The following CDH8 variants were observed in gnomAD, a reference collection of about 807,000 sequenced individuals.
CDH8 encodes cadherin-8.
A neutral mutation model predicts 68.1 loss-of-function variants in CDH8; 17 were observed. The observed-to-expected ratio is 0.25, with a 90% CI of 0.17 to 0.37. CDH8 has a LOEUF of 0.37. Among genes scored for constraint, CDH8 ranks in the 10% least tolerant of loss-of-function variants. The pLI is 1.00. For synonymous variants in CDH8, 372 were observed against 365.1 expected, an observed-to-expected ratio of 1.02 and a Z score of -0.21; for missense variants, 763 against 999.3, an observed-to-expected ratio of 0.76 and a Z score of 3.19.
At chr16:61,784,929 T>C (rs1264968515) in intron 8 of CDH8, among the ~76,000 whole-genome samples, 6 of 151,938 alleles carry the variant, frequency 3.9e-5, no homozygotes, top group Non-Finnish European at 8.8e-5. Flanking sequence ...CTGGGACGCA[T>C]TCAAAGCAGT....
intron 10 of CDH8, among the ~76,000 whole-genome samples, chr16:61,695,066 AC>A (rs371170158): frequency 7.3e-4 from 110 of 150,318 alleles, no homozygotes; most frequent in African/African-American, 2.6e-3. Flanking sequence ...GGCATGAGCC[AC>A]CATGCCCGGC....
intron 4 of CDH8, among the ~76,000 whole-genome samples, chr16:61,841,648 C>T (rs929721436): frequency 2.6e-5 from 4 of 152,012 alleles, no homozygotes; most frequent in African/African-American, 7.2e-5. Context: ...CTTAATTGTA[C>T]ATTTTAAAAT....
intron 10 of CDH8, among the ~76,000 whole-genome samples, chr16:61,663,742 T>A (rs1415541156): frequency 6.6e-6 from 1 of 152,028 alleles, no homozygotes; most frequent in African/African-American, 2.4e-5. Flanking sequence ...TAACTACCTA[T>A]CTATCCATCT....
chr16:61,749,487 A>T (rs1171811138), intron 8 of CDH8, among the ~76,000 whole-genome samples: 2 of 152,094 alleles, frequency 1.3e-5, no homozygotes, highest in East Asian at 3.9e-4. Context: ...CCCAGTTAAC[A>T]TTAATAGAAG....
At position 61,960,228 on chromosome 16, in the gene CDH8, C is replaced by T. The variant is rs201290130; in HGVS notation, c.253-58755G>A. Among the ~76,000 whole-genome samples the T allele has an allele frequency of 7.0e-5, 3 of 42,694 alleles. 1 individual carries two copies. Among genetic ancestry groups the T allele is most frequent in the South Asian group, 6.9e-4 (1 of 1,458 alleles). 28.0% of individuals were successfully genotyped at this position (42,694 alleles called of 152,430 possible). ...ATATATACATGTGTGTGTGTATACA[C>T]ACATATATACATGTGTGTGTGTATA... is the stretch of plus-strand genomic sequence containing the variant. On this transcript the variant is annotated intron_variant, in intron 2 of 11. Transcript: ENST00000577390.
intron 10 of CDH8, among the ~76,000 whole-genome samples, chr16:61,702,621 T>G (rs2142851677): frequency 6.6e-6 from 1 of 152,332 alleles, no homozygotes; most frequent in African/African-American, 2.4e-5. Flanking sequence ...GTTACTCAGT[T>G]TTACAACAAC....
At chr16:61,690,089 A>T (rs1403817390) in intron 10 of CDH8, among the ~76,000 whole-genome samples, 1 of 152,090 alleles carries the variant, frequency 6.6e-6, no homozygotes, top group Non-Finnish European at 1.5e-5. Context: ...TGTTGAACAT[A>T]TGTTGAATAG....
chr16:61,663,044 G>A (rs1160098008), intron 10 of CDH8, among the ~76,000 whole-genome samples: 1 of 151,920 alleles, frequency 6.6e-6, no homozygotes, highest in Non-Finnish European at 1.5e-5. Context: ...ATCTTCATGG[G>A]GACTTAAAGT....
chr16:61,901,503 T>C (rs997816152), intron 2 of CDH8, 30 bp from the exon 3 acceptor site: 2 of 1,536,846 alleles, frequency 1.3e-6, no homozygotes, highest in Non-Finnish European at 1.8e-6. Flanking sequence ...TAGTTAGTGA[T>C]GGAGCAATCT....
chr16:61,655,873 CT>C (rs35413525), intron 10 of CDH8, 152 bp from the exon 11 acceptor site: 43,869 of 516,500 alleles, frequency 0.085, 7 homozygotes, highest in East Asian at 0.12. Flanking sequence ...CGTCTCCGCA[CT>C]TTTTTTTTTT....
chr16:62,016,591 T>A (rs1362787234), intron 2 of CDH8, among the ~76,000 whole-genome samples: 1 of 152,220 alleles, frequency 6.6e-6, no homozygotes, highest in Non-Finnish European at 1.5e-5. Context: ...AAGTGTCCCA[T>A]GAGCCACTTT....
chr16:61,788,856 A>C (rs1433529721), intron 8 of CDH8, among the ~76,000 whole-genome samples: 1 of 152,048 alleles, frequency 6.6e-6, no homozygotes, highest in Non-Finnish European at 1.5e-5. Flanking sequence ...AGACTCTAAA[A>C]AAAACAAAAA....
intron 2 of CDH8, among the ~76,000 whole-genome samples, chr16:62,015,559 G>T (rs1162045717): frequency 1.3e-5 from 2 of 152,152 alleles, no homozygotes; most frequent in African/African-American, 4.8e-5. Flanking sequence ...AAAGAAGCCA[G>T]ATCTCCAAGA....
At chr16:61,932,185 G>T (rs936919772) in intron 2 of CDH8, among the ~76,000 whole-genome samples, 6 of 141,392 alleles carry the variant, frequency 4.2e-5, no homozygotes, top group African/African-American at 1.6e-4. Flanking sequence ...CCAGGCCTGG[G>T]CCACAGAGCA....
At chr16:61,683,038 T>C (rs1245714651) in intron 10 of CDH8, among the ~76,000 whole-genome samples, 1 of 152,012 alleles carries the variant, frequency 6.6e-6, no homozygotes, top group African/African-American at 2.4e-5. Context: ...GAATTAAGCT[T>C]GGACATGAGT....
chr16:61,879,723 C>T (rs571384314), intron 3 of CDH8, among the ~76,000 whole-genome samples: 7 of 152,232 alleles, frequency 4.6e-5, no homozygotes, highest in African/African-American at 1.4e-4. Flanking sequence ...TCATCTACTA[C>T]ATATTTGCTG....
intron 8 of CDH8, among the ~76,000 whole-genome samples, chr16:61,760,983 C>T (rs915603290): frequency 1.3e-5 from 2 of 152,102 alleles, no homozygotes; most frequent in Non-Finnish European, 2.9e-5. Flanking sequence ...TATCAATTTG[C>T]AGATCTATAA....
intron 4 of CDH8, among the ~76,000 whole-genome samples, chr16:61,830,299 A>T (rs1962427414): frequency 6.6e-6 from 1 of 151,804 alleles, no homozygotes; most frequent in East Asian, 1.9e-4. Flanking sequence ...AAAATATAGT[A>T]ATTAGGGAAG....
rs1301577773 is a variant in CDH8 at position 61,828,887 on chromosome 16, C to A, written c.668-3708G>T. ...CATTCCAAGATGATGTGAGATAATT[C>A]AGGCAAAGTTCTTGGTACACAGTAG... On this transcript the variant is annotated intron_variant, in intron 4 of 11. Coordinates refer to ENST00000577390, the MANE Select transcript of CDH8 (RefSeq NM_001796.5). Among the ~76,000 whole-genome samples the A allele has an allele frequency of 5.9e-5, 9 of 151,848 alleles. No individual in the cohort carries two copies. In the East Asian group the frequency reaches 1.7e-3, roughly 30 times the overall value.
Sources: gnomAD v4.1 joint callset for allele counts (sites outside exome capture counted in the v4.1 genomes callset) on GRCh38, gnomAD v4.1.1 for gene constraint, MANE v1.5 for transcripts, NCBI Gene and HGNC (gene_info 2026-07-23, HGNC 2026-07-21) for gene names.